DHX57: variants seen among roughly 807,000 people sequenced by gnomAD.
The protein encoded by DHX57 is DExH-box helicase 57, also known as putative ATP-dependent RNA helicase DHX57.
In DHX57, 105 loss-of-function variants were observed where a neutral mutation model predicts 156.2. The ratio of observed to expected loss-of-function variants is 0.67; its 90% CI spans 0.57 to 0.79. The LOEUF (loss-of-function observed/expected upper bound fraction) is 0.79, where lower values mean the gene tolerates loss of function less well. DHX57 is among the 30% of genes least tolerant of loss of function. The probability of loss-of-function intolerance (pLI) is 0.00; values close to 1 mark genes in which losing one functional copy is unlikely to be tolerated. For missense variants in DHX57, 1,847 were observed against 1,661.9 expected, an observed-to-expected ratio of 1.11 and a Z score of -1.94; for synonymous variants, 704 against 595.6, an observed-to-expected ratio of 1.18 and a Z score of -2.65.
chr2:38,865,623 T>A (rs1572711776), intron 2 of DHX57, among the ~76,000 whole-genome samples: 1 of 152,322 alleles, frequency 6.6e-6, no homozygotes, highest in Middle Eastern at 3.4e-3. Context: ...AATTAGGATA[T>A]CTAACACCTC....
Position 38,837,901 on chromosome 2 carries a change from T to G in DHX57, c.2472A>C (p.Glu824Asp), listed in dbSNP as rs1399165877. The G allele has an allele frequency of 6.2e-7, 1 of 1,613,858 alleles. No homozygotes were observed. The highest frequency in any genetic ancestry group is 2.2e-5 in the East Asian group (1 of 44,884). ...CCTCTATTAATTCAAGATTCACCTTTTCAAAATCCATGATGGACATTGTTT... is the reference window on the plus strand; with the variant it reads ...CCTCTATTAATTCAAGATTCACCTTGTCAAAATCCATGATGGACATTGTTT... The part of the protein sequence containing the change: ...VIKTMSIMDF[E>D]KVNLELIEAL... The change falls in exon 13 of 24, where the codon GAA (glutamate) becomes GAC (aspartate). Residue 824 changes from glutamate to aspartate, a missense_variant. Coordinates refer to ENST00000457308, the MANE Select transcript of DHX57 (RefSeq NM_198963.3).
intron 1 of DHX57, among the ~76,000 whole-genome samples, chr2:38,872,626 T>A (rs893965560): frequency 6.6e-6 from 1 of 152,164 alleles, no homozygotes; most frequent in African/African-American, 2.4e-5. Context: ...AAAATATTAC[T>A]AGAGATAGGG....
intron 9 of DHX57, among the ~76,000 whole-genome samples, chr2:38,850,459 C>T (rs895741257): frequency 6.6e-6 from 1 of 151,590 alleles, no homozygotes; most frequent in Admixed American, 6.6e-5. Context: ...ATGGTGTCTC[C>T]CTATATTGCC....
intron 14 of DHX57, 75 bp from the exon 15 acceptor site, chr2:38,826,764 C>T: frequency 2.0e-6 from 3 of 1,484,822 alleles, no homozygotes; most frequent in South Asian, 2.6e-5. Flanking sequence ...TGAATTTCTA[C>T]TAAAACCAAC....
intron 1 of DHX57, 125 bp from the exon 2 acceptor site, chr2:38,868,536 C>G (rs1007781135): frequency 1.0e-5 from 10 of 1,001,348 alleles, no homozygotes; most frequent in Admixed American, 5.4e-5. Context: ...GTAAAAAGAG[C>G]TGGTCTTGGG....
At chr2:38,867,657 C>T (rs944580684) in intron 2 of DHX57, among the ~76,000 whole-genome samples, 1 of 152,184 alleles carries the variant, frequency 6.6e-6, no homozygotes, top group South Asian at 2.1e-4. Flanking sequence ...CTCCTGGGTT[C>T]AAGCAATTCT....
intron 13 of DHX57, among the ~76,000 whole-genome samples, chr2:38,836,666 T>A (rs1392066265): frequency 6.7e-6 from 1 of 149,742 alleles, no homozygotes; most frequent in African/African-American, 2.5e-5. Context: ...CCCAGCTACT[T>A]GGGAAGCTGA....
intron 1 of DHX57, among the ~76,000 whole-genome samples, chr2:38,874,125 T>C (rs1404823620): frequency 6.6e-6 from 1 of 152,026 alleles, no homozygotes; most frequent in African/African-American, 2.4e-5. Context: ...TGGATCTTGC[T>C]CTATCACCCA....
At chr2:38,833,206 G>C (rs997609144) in intron 13 of DHX57, among the ~76,000 whole-genome samples, 4 of 151,562 alleles carry the variant, frequency 2.6e-5, no homozygotes, top group South Asian at 2.1e-4. Context: ...GCGGTGGCGC[G>C]ATCTTGGCTC....
chr2:38,840,118 A>C (rs1671903316), intron 12 of DHX57, among the ~76,000 whole-genome samples: 1 of 151,772 alleles, frequency 6.6e-6, no homozygotes, highest in South Asian at 2.1e-4. Flanking sequence ...CTAATTTAAA[A>C]ATTTTTTTAA....
intron 16 of DHX57, 63 bp downstream of exon 16, chr2:38,825,784 A>T: frequency 2.6e-6 from 4 of 1,531,264 alleles, no homozygotes; most frequent in Non-Finnish European, 3.6e-6. Flanking sequence ...GAAAACATGG[A>T]ACTTAATAGA....
intron 19 of DHX57, 118 bp downstream of exon 19, chr2:38,818,755 CCAAA>C: frequency 1.7e-6 from 2 of 1,159,388 alleles, no homozygotes; most frequent in Non-Finnish European, 2.5e-6. Flanking sequence ...GCTGGTAAGG[CCAAA>C]CATATTCCAG....
intron 13 of DHX57, among the ~76,000 whole-genome samples, chr2:38,835,638 G>C (rs970470439): frequency 3.3e-5 from 5 of 152,132 alleles, no homozygotes; most frequent in Non-Finnish European, 1.5e-5. Context: ...TCATTATACA[G>C]GTACTCTATG....
chr2:38,841,892 C>G (rs1389187733), intron 12 of DHX57, among the ~76,000 whole-genome samples: 1 of 152,134 alleles, frequency 6.6e-6, no homozygotes, highest in Non-Finnish European at 1.5e-5. Context: ...AAGCTCAGCA[C>G]AGGGTAGGCC....
chr2:38,838,143 G>A (rs2124860646), intron 12 of DHX57, among the ~76,000 whole-genome samples, 196 bp from the exon 13 acceptor site: 1 of 152,192 alleles, frequency 6.6e-6, no homozygotes, highest in African/African-American at 2.4e-5. Flanking sequence ...CTGTCACCCA[G>A]GCTGGAATGC....
intron 23 of DHX57, among the ~76,000 whole-genome samples, chr2:38,802,288 CTT>C (rs35572458): frequency 3.6e-4 from 48 of 131,604 alleles, no homozygotes; most frequent in South Asian, 7.6e-4. Context: ...CCATCATTCA[CTT>C]TTTTTTTTTT....
chr2:38,861,875 A>G, intron 4 of DHX57, 38 bp from the exon 5 acceptor site: 1 of 1,535,826 alleles, frequency 6.5e-7, no homozygotes, highest in Non-Finnish European at 8.8e-7. Flanking sequence ...GACACATAAA[A>G]AGCAGTATCA....
intron 21 of DHX57, among the ~76,000 whole-genome samples, chr2:38,812,845 T>TTTGTTTGTTTGG (rs1670329044): frequency 6.9e-6 from 1 of 145,308 alleles, no homozygotes; most frequent in Admixed American, 7.0e-5. Flanking sequence ...TATTTACTTG[T>TTTGTTTGTTTGG]TTGTTTGTTT....
chr2:38,806,636 G>T lies in DHX57; in HGVS notation c.3739C>A (p.Pro1247Thr), dbSNP rs376787497. Residue 1247 changes from proline (P) to threonine (T), a missense_variant, in exon 22 of 24, where the codon CCA becomes ACA. Transcript: ENST00000457308. The stretch of plus-strand genomic sequence containing the variant: ...ACAAACTTCAACTCAGCTGATTTTG[G>T]TTGCATTCTGACAGCTCCAGTACTG... ...KTSTGAVRMQ[P>T]KSAELKFVTK... 195 of 1,614,060 alleles carry T rather than the reference G, an allele frequency of 1.2e-4. 2 individuals are homozygous for T. In the South Asian group the frequency reaches 1.9e-3, roughly 16 times the overall value.
Sources: gnomAD v4.1 joint callset for allele counts (sites outside exome capture counted in the v4.1 genomes callset) on GRCh38, gnomAD v4.1.1 for gene constraint, MANE v1.5 for transcripts, NCBI Gene and HGNC (gene_info 2026-07-23, HGNC 2026-07-21) for gene names.